Variants in LRRTM3 observed in about 807,000 individuals in gnomAD.
LRRTM3 encodes the protein leucine-rich repeat transmembrane neuronal protein 3.
In LRRTM3, 24 loss-of-function variants were observed where a neutral mutation model predicts 44.7. The ratio of observed to expected loss-of-function variants is 0.54; its 90% CI spans 0.39 to 0.76. LRRTM3 has a LOEUF of 0.76. LRRTM3 is among the 30% of genes least tolerant of loss of function. LRRTM3 has a pLI of 0.00. For synonymous variants in LRRTM3, 277 were observed against 278.7 expected (o/e 0.99, Z 0.06); for missense variants, 587 against 702.2 (o/e 0.84, Z 1.85).
chr10:67,093,679 C>T (rs576425505), intron 2 of LRRTM3, among the ~76,000 whole-genome samples: 3 of 151,954 alleles, frequency 2.0e-5, no homozygotes, highest in East Asian at 3.9e-4. Flanking sequence ...TCCCCCCCAA[C>T]AAAAGATTGC....
chr10:67,057,069 T>C (rs1037800382), intron 2 of LRRTM3, among the ~76,000 whole-genome samples: 2 of 152,216 alleles, frequency 1.3e-5, no homozygotes, highest in African/African-American at 4.8e-5. Context: ...GCTTCTTCTC[T>C]AGTCTAATTG....
At chr10:67,025,216 C>G (rs1853293313) in intron 2 of LRRTM3, among the ~76,000 whole-genome samples, 1 of 151,322 alleles carries the variant, frequency 6.6e-6, no homozygotes, top group African/African-American at 2.4e-5. Flanking sequence ...TCAGTATCAC[C>G]CACCAATTGG....
chr10:67,063,618 A>C (rs930042600), intron 2 of LRRTM3, among the ~76,000 whole-genome samples: 1 of 152,226 alleles, frequency 6.6e-6, no homozygotes. Context: ...TAGATAATGC[A>C]TATGACATGG....
intron 2 of LRRTM3, among the ~76,000 whole-genome samples, chr10:67,001,452 G>T (rs10997478): frequency 6.6e-6 from 1 of 151,650 alleles, no homozygotes; most frequent in African/African-American, 2.4e-5. Flanking sequence ...AGACAGGGGT[G>T]GGGGACAGAA....
At chr10:66,948,037 G>A (rs1006719734) in intron 2 of LRRTM3, among the ~76,000 whole-genome samples, 16 of 152,284 alleles carry the variant, frequency 1.1e-4, no homozygotes, top group South Asian at 2.1e-4. Flanking sequence ...GTAACACAAT[G>A]GTATTTGTGT....
chr10:67,018,364 G>A (rs1019776409), intron 2 of LRRTM3, among the ~76,000 whole-genome samples: 8 of 151,962 alleles, frequency 5.3e-5, no homozygotes, highest in Non-Finnish European at 1.2e-4. Context: ...CTTTTTAAAG[G>A]CAACACCCCT....
chr10:66,928,744 G>A (rs1368673301), intron 2 of LRRTM3, among the ~76,000 whole-genome samples: 1 of 151,988 alleles, frequency 6.6e-6, no homozygotes, highest in Non-Finnish European at 1.5e-5. Flanking sequence ...CATTAATGTC[G>A]CATTTGTTTT....
chr10:66,974,192 T>C (rs187100182), intron 2 of LRRTM3, among the ~76,000 whole-genome samples: 4 of 152,230 alleles, frequency 2.6e-5, no homozygotes, highest in African/African-American at 7.2e-5. Context: ...TCATTCAATG[T>C]AGGTTTTTGT....
At chr10:66,926,682 T>G (rs1462296772) in intron 1 of LRRTM3, 95 bp downstream of exon 1, 221 of 1,386,778 alleles carry the variant, frequency 1.6e-4, no homozygotes, top group Non-Finnish European at 2.2e-4. Context: ...TTTTAGAGAT[T>G]ACCTTGCTCT....
chr10:66,938,937 T>A (rs1246645217), intron 2 of LRRTM3, among the ~76,000 whole-genome samples: 3 of 152,148 alleles, frequency 2.0e-5, no homozygotes, highest in East Asian at 3.9e-4. Flanking sequence ...CCCGTCCACA[T>A]CCTCCTGAGA....
At chr10:66,971,750 A>G (rs1589520602) in intron 2 of LRRTM3, among the ~76,000 whole-genome samples, 1 of 152,154 alleles carries the variant, frequency 6.6e-6, no homozygotes, top group Non-Finnish European at 1.5e-5. Flanking sequence ...GTGCCCAACA[A>G]AGAGAAAATA....
At position 66,959,351 on chromosome 10, in the gene LRRTM3, T is replaced by G. The variant is rs190853561; in HGVS notation, c.1536+30899T>G. ...AGAAACCAAGACAGGATTTCTATTT[T>G]TATTCCTGTTTCAATCCTCATGCCC... On this transcript the variant is annotated intron_variant, in intron 2 of 2. Coordinates refer to ENST00000361320, the MANE Select transcript of LRRTM3 (RefSeq NM_178011.5). 5.4e-3 allele frequency among the ~76,000 whole-genome samples: 826 copies of G among 152,328 alleles called. 6 individuals are homozygous for G. Among genetic ancestry groups the G allele is most frequent in the Non-Finnish European group, 8.0e-3 (543 of 68,014 alleles).
chr10:66,927,637 A>G lies in LRRTM3; in HGVS notation c.721A>G (p.Ile241Val). Residue 241 changes from isoleucine (I) to valine (V), a missense_variant, in exon 2 of 3, where the codon ATC becomes GTC. Coordinates refer to ENST00000361320, the MANE Select transcript of LRRTM3 (RefSeq NM_178011.5). The surrounding 1 kb of genome is among the most constrained non-coding windows in gnomAD (Gnocchi z 4.7). ...GAACCTTTACTTGCAGTGGAATAAA[A>G]TCAGTGTCATAGGACAGACCATGTC... ...LQNLYLQWNK[I>V]SVIGQTMSWT... 1 of 1,614,184 alleles carries G rather than the reference A, an allele frequency of 6.2e-7. No individual in the cohort carries two copies. The highest frequency in any genetic ancestry group is 1.1e-5 in the South Asian group (1 of 91,086).
intron 2 of LRRTM3, among the ~76,000 whole-genome samples, chr10:67,043,063 A>T (rs1271097895): frequency 6.6e-6 from 1 of 152,090 alleles, no homozygotes; most frequent in Admixed American, 6.6e-5. Flanking sequence ...GTCAGGAAAT[A>T]CAGATATAAA....
chr10:67,094,090 G>C (rs1034881832), intron 2 of LRRTM3, among the ~76,000 whole-genome samples: 1 of 151,862 alleles, frequency 6.6e-6, no homozygotes, highest in African/African-American at 2.4e-5. Flanking sequence ...ATATGATGTT[G>C]ATATAGAGAA....
At chr10:66,938,141 ATAT>A (rs1420895489) in intron 2 of LRRTM3, among the ~76,000 whole-genome samples, 4 of 152,170 alleles carry the variant, frequency 2.6e-5, no homozygotes, top group Admixed American at 1.3e-4. Flanking sequence ...TATCAACCTT[ATAT>A]TTCTTTGTGT....
rs149034322 is a variant in LRRTM3 at position 67,071,357 on chromosome 10, C to G, written c.1537-26230C>G. Among the ~76,000 whole-genome samples, 29 of 135,422 alleles carry G rather than the reference C, an allele frequency of 2.1e-4. No individual in the cohort carries two copies. In the East Asian group the frequency reaches 5.5e-3, roughly 26 times the overall value. The allele number at this position is 135,422 out of a possible 152,430, so 88.8% of individuals were successfully genotyped here. On this transcript the variant is annotated intron_variant, in intron 2 of 2. Coordinates refer to ENST00000361320, the MANE Select transcript of LRRTM3 (RefSeq NM_178011.5). ...TTTTTTTTTTTTGGTCAGAAAATGT[C>G]TTTGTTTCGATATTTTCAATAGATA...
Position 67,078,110 on chromosome 10 carries a change from A to C in LRRTM3, c.1537-19477A>C, listed in dbSNP as rs78219552. 9.2e-3 allele frequency among the ~76,000 whole-genome samples: 1,400 copies of C among 152,314 alleles called. 51 individuals carry two copies. In the East Asian group the frequency reaches 0.11, roughly 12 times the overall value. ...TTACCCAAACTTCAGTCAGCTTAACAGCTCTCTCTCAGGAGTAATAACCTC... is the reference window on the plus strand; with the variant it reads ...TTACCCAAACTTCAGTCAGCTTAACCGCTCTCTCTCAGGAGTAATAACCTC... On this transcript the variant is annotated intron_variant, in intron 2 of 2. Coordinates refer to ENST00000361320, the MANE Select transcript of LRRTM3 (RefSeq NM_178011.5).
chr10:66,978,523 T>C (rs1480660286), intron 2 of LRRTM3, among the ~76,000 whole-genome samples: 1 of 32,088 alleles, frequency 3.1e-5, no homozygotes, highest in Non-Finnish European at 5.5e-5. Flanking sequence ...TGAGACTCCA[T>C]CTCAAAAAAA....
Sources: gnomAD v4.1 joint callset for allele counts (sites outside exome capture counted in the v4.1 genomes callset) on GRCh38, gnomAD v4.1.1 for gene constraint, Gnocchi (gnomAD v3.1) non-coding constraint, MANE v1.5 for transcripts, NCBI Gene and HGNC (gene_info 2026-07-23, HGNC 2026-07-21) for gene names.